Variants in BMP7 observed in about 807,000 individuals in gnomAD.
BMP7 encodes osteogenic protein 1.
A neutral mutation model predicts 41.2 loss-of-function variants in BMP7; 12 were observed. That is an observed-to-expected ratio of 0.29 (90% CI 0.19 to 0.47). The LOEUF (loss-of-function observed/expected upper bound fraction) is 0.47, where lower values mean the gene tolerates loss of function less well. Ranked by LOEUF, BMP7 falls within the 20% of genes least tolerant of loss-of-function variation. The pLI is 0.99. For synonymous variants in BMP7, 248 were observed against 250.0 expected, an observed-to-expected ratio of 0.99 and a Z score of 0.07; for missense variants, 467 against 606.0, an observed-to-expected ratio of 0.77 and a Z score of 2.41.
At chr20:57,187,774 A>G (rs1984252107) in intron 3 of BMP7, among the ~76,000 whole-genome samples, 1 of 152,178 alleles carries the variant, frequency 6.6e-6, no homozygotes, top group Non-Finnish European at 1.5e-5. Context: ...CACTAAGATG[A>G]AAAACCCTTC....
At chr20:57,179,462 A>G (rs1461978786) in intron 4 of BMP7, among the ~76,000 whole-genome samples, 1 of 152,194 alleles carries the variant, frequency 6.6e-6, no homozygotes, top group African/African-American at 2.4e-5. Flanking sequence ...GTGGGTGGGG[A>G]GAAGGAAGTG....
At chr20:57,234,037 C>T (rs2066038535) in intron 1 of BMP7, among the ~76,000 whole-genome samples, 1 of 152,178 alleles carries the variant, frequency 6.6e-6, no homozygotes, top group South Asian at 2.1e-4. Flanking sequence ...GGGCATGGCT[C>T]ATTACAATGC....
chr20:57,229,317 A>G (rs1448937291), intron 1 of BMP7, among the ~76,000 whole-genome samples: 1 of 152,254 alleles, frequency 6.6e-6, no homozygotes, highest in African/African-American at 2.4e-5. Context: ...GTAGACTAAC[A>G]GCACTAAAAG....
At chr20:57,241,220 G>T (rs1399712463) in intron 1 of BMP7, among the ~76,000 whole-genome samples, 1 of 152,140 alleles carries the variant, frequency 6.6e-6, no homozygotes, top group Non-Finnish European at 1.5e-5. Flanking sequence ...CTTAGCTGTG[G>T]CAACGATTCA....
In BMP7 at chr20:57,213,550, C is replaced by T. The variant is rs548384317; in HGVS notation, c.612-10927G>A. Among the ~76,000 whole-genome samples the T allele has an allele frequency of 3.9e-5, 6 of 152,298 alleles. No individual in the cohort carries two copies. In the East Asian group the frequency reaches 5.8e-4, roughly 15 times the overall value. ...CCGGCAATGGAGCGCAGTAACGAGC[C>T]GTTCAAACTTGTGTCAAGGTGTGGA... On this transcript the variant is annotated intron_variant, in intron 2 of 6. Coordinates refer to ENST00000395863, the MANE Select transcript of BMP7 (RefSeq NM_001719.3). This position sits in a 1 kb window ranked among gnomAD's most constrained non-coding sequence, Gnocchi z 4.4.
At chr20:57,191,352 T>G (rs1039902258) in intron 3 of BMP7, among the ~76,000 whole-genome samples, 1 of 152,074 alleles carries the variant, frequency 6.6e-6, no homozygotes, top group Non-Finnish European at 1.5e-5. Flanking sequence ...TTCCCTCCCA[T>G]GAGCCACTAA....
At position 57,228,396 on chromosome 20, in the gene BMP7, G is replaced by A. The variant is rs1349870274; in HGVS notation, c.444C>T (p.His148=). ...NLVEHDKEFF[H]PRYHHREFRF... ...GGAACTCTCGATGGTGGTAGCGTGG[G>A]TGGAAGAATTCCTTGTCATGTTCCA... The change falls in exon 2 of 7, where the codon CAC becomes CAT. Residue 148 remains histidine, a synonymous_variant. Coordinates refer to ENST00000395863, the MANE Select transcript of BMP7 (RefSeq NM_001719.3). The surrounding 1 kb of genome is among the most constrained non-coding windows in gnomAD (Gnocchi z 4.5). The A allele has an allele frequency of 4.3e-6, 7 of 1,614,040 alleles. No homozygotes were observed. The highest frequency in any genetic ancestry group is 5.9e-6 in the Non-Finnish European group (7 of 1,180,030).
At chr20:57,207,292 G>A (rs534336380) in intron 2 of BMP7, among the ~76,000 whole-genome samples, 1 of 151,552 alleles carries the variant, frequency 6.6e-6, no homozygotes, top group South Asian at 2.1e-4. Flanking sequence ...CTATAAACCA[G>A]AGAGAGAGAG....
At chr20:57,220,807 GA>G (rs1600630721) in intron 2 of BMP7, among the ~76,000 whole-genome samples, 2 of 152,346 alleles carry the variant, frequency 1.3e-5, no homozygotes, top group East Asian at 3.9e-4. Context: ...CTCAGATGCT[GA>G]AGAAAGATTG....
intron 1 of BMP7, among the ~76,000 whole-genome samples, chr20:57,260,022 G>A (rs759799824): frequency 9.2e-5 from 14 of 152,078 alleles, no homozygotes; most frequent in South Asian, 4.2e-4. Flanking sequence ...TAATAGCCGC[G>A]GTCGTACATG....
chr20:57,247,818 A>G (rs915373048), intron 1 of BMP7, among the ~76,000 whole-genome samples: 3 of 152,120 alleles, frequency 2.0e-5, no homozygotes, highest in Non-Finnish European at 4.4e-5. Context: ...CAGAACTCAA[A>G]CCAAGCTCCA....
intron 4 of BMP7, 94 bp downstream of exon 4, chr20:57,183,628 C>A: frequency 1.3e-6 from 2 of 1,530,686 alleles, no homozygotes; most frequent in Non-Finnish European, 1.8e-6. Flanking sequence ...CTGGTGAGCA[C>A]CTGAATGGAT....
At chr20:57,247,954 A>C (rs1040660904) in intron 1 of BMP7, among the ~76,000 whole-genome samples, 3 of 152,200 alleles carry the variant, frequency 2.0e-5, no homozygotes, top group African/African-American at 7.2e-5. Context: ...TGTTTTCAGC[A>C]AACAACTGGC....
intron 1 of BMP7, among the ~76,000 whole-genome samples, chr20:57,251,204 C>G (rs572553278): frequency 6.6e-6 from 1 of 152,190 alleles, no homozygotes; most frequent in African/African-American, 2.4e-5. Context: ...CCTGTCTCCC[C>G]ACATGGGATC....
At chr20:57,179,835 C>A (rs1439254360) in intron 4 of BMP7, among the ~76,000 whole-genome samples, 1 of 152,138 alleles carries the variant, frequency 6.6e-6, no homozygotes, top group Non-Finnish European at 1.5e-5. Context: ...GAGCCATCCG[C>A]GGGAAGGAGG....
chr20:57,254,658 A>C (rs1040956143), intron 1 of BMP7, among the ~76,000 whole-genome samples: 23 of 151,930 alleles, frequency 1.5e-4, no homozygotes, highest in Non-Finnish European at 7.4e-5. Flanking sequence ...AAAAAAAAAA[A>C]AACAAAAAAC....
rs907220890 is a variant in BMP7 at position 57,172,869 on chromosome 20, A to T, written c.1146+331T>A. ...TCTGTTTACCTGTTTCCTCTACTGG[A>T]AAATGAAGCAGGGCCCAGTGCTCTT... On this transcript the variant is annotated intron_variant, in intron 6 of 6. Transcript: ENST00000395863. The T allele has an allele frequency of 5.2e-6, 3 of 577,414 alleles. No homozygotes were observed. The African/African-American group carries it at 5.6e-5, about 11-fold the overall frequency. The allele number at this position is 577,414 out of a possible 1,614,324, so 35.8% of individuals were successfully genotyped here.
chr20:57,175,969 T>G (rs1302125449), intron 4 of BMP7, among the ~76,000 whole-genome samples: 1 of 152,222 alleles, frequency 6.6e-6, no homozygotes, highest in African/African-American at 2.4e-5. Context: ...GGCTCAAGCC[T>G]TGGTTCCAAT....
Position 57,202,623 on chromosome 20 carries a change from C to G in BMP7, c.612G>C (p.Arg204Ser), listed in dbSNP as rs142693632. 152 of 1,610,820 alleles carry G rather than the reference C, an allele frequency of 9.4e-5. 1 individual carries two copies. The African/African-American group carries it at 1.8e-3, about 19-fold the overall frequency. The change falls in exon 3 of 7, where the codon AGG becomes AGC. Residue 204 changes from arginine (R) to serine (S), a missense_variant and splice_region_variant. Coordinates refer to ENST00000395863, the MANE Select transcript of BMP7 (RefSeq NM_001719.3). ...VYQVLQEHLG[R>S]ESDLFLLDSR... is the part of the protein sequence containing the mutation. ...TGTCGAGCAGGAAGAGATCCGATTC[C>G]CTGCGAGAGAGGAGGAGAGACACGG...
Sources: gnomAD v4.1 joint callset for allele counts (sites outside exome capture counted in the v4.1 genomes callset) on GRCh38, gnomAD v4.1.1 for gene constraint, Gnocchi (gnomAD v3.1) non-coding constraint, MANE v1.5 for transcripts, NCBI Gene and HGNC (gene_info 2026-07-23, HGNC 2026-07-21) for gene names.